GRM7: variants seen among roughly 807,000 people sequenced by gnomAD.
The protein encoded by GRM7 is glutamate metabotropic receptor 7, also known as metabotropic glutamate receptor 7.
Under a neutral mutation model 84.5 loss-of-function variants are expected in GRM7, and 35 were observed. The observed-to-expected ratio is 0.41, with a 90% CI of 0.32 to 0.55. GRM7 has a LOEUF of 0.55. Among genes scored for constraint, GRM7 ranks in the 20% least tolerant of loss-of-function variants. GRM7 has a pLI of 0.19. For missense variants in GRM7, 1,003 were observed against 1,194.6 expected (o/e 0.84, Z 2.36); for synonymous variants, 487 against 455.1 (o/e 1.07, Z -0.89).
At chr3:7,290,356 G>A (rs1699579654) in intron 2 of GRM7, among the ~76,000 whole-genome samples, 1 of 152,200 alleles carries the variant, frequency 6.6e-6, no homozygotes, top group African/African-American at 2.4e-5. Context: ...TTAAGGTTAA[G>A]TCAGCTAGCA....
chr3:7,004,551 C>G lies in GRM7; in HGVS notation c.520-141901C>G, dbSNP rs1695118937. 2.0e-5 allele frequency among the ~76,000 whole-genome samples: 3 copies of G among 152,052 alleles called. No individual in the cohort carries two copies. In the South Asian group the frequency reaches 6.2e-4, roughly 32 times the overall value. ...GAAAGGGTTACGTGAAATATCTGAT[C>G]AAGACTTTTTTAATGATGATCTTTT... On this transcript the variant is annotated intron_variant, in intron 1 of 9. Coordinates refer to ENST00000357716, the MANE Select transcript of GRM7 (RefSeq NM_000844.4).
At chr3:6,901,909 C>T (rs9862805) in intron 1 of GRM7, among the ~76,000 whole-genome samples, 40,718 of 151,800 alleles carry the variant, frequency 0.27, 5,726 homozygotes, top group Non-Finnish European at 0.3. Context: ...TTGTTGAACT[C>T]TCCTTGACTA....
intron 7 of GRM7, among the ~76,000 whole-genome samples, chr3:7,474,556 T>C (rs1698842836): frequency 6.6e-6 from 1 of 152,080 alleles, no homozygotes; most frequent in Non-Finnish European, 1.5e-5. Context: ...AGTCTCCCAT[T>C]CCTGGAAACA....
intron 4 of GRM7, among the ~76,000 whole-genome samples, chr3:7,342,570 AC>A (rs1164364382): frequency 2.6e-5 from 4 of 152,144 alleles, no homozygotes; most frequent in Non-Finnish European, 5.9e-5. Flanking sequence ...AAGTCTGTCT[AC>A]CCTGTACTAA....
chr3:7,150,947 T>C (rs1052462475), intron 2 of GRM7, among the ~76,000 whole-genome samples: 1 of 152,192 alleles, frequency 6.6e-6, no homozygotes, highest in Non-Finnish European at 1.5e-5. Context: ...TGAATACTGC[T>C]TGACAATATA....
intron 2 of GRM7, among the ~76,000 whole-genome samples, chr3:7,239,918 T>A (rs1418335294): frequency 1.3e-5 from 2 of 152,184 alleles, no homozygotes; most frequent in Non-Finnish European, 2.9e-5. Flanking sequence ...CTTTTGATCA[T>A]ATTTTTAATT....
At chr3:7,062,492 A>C (rs1199592326) in intron 1 of GRM7, among the ~76,000 whole-genome samples, 1 of 151,822 alleles carries the variant, frequency 6.6e-6, no homozygotes. Flanking sequence ...TAAAGGAACA[A>C]TAAATACAAA....
chr3:7,116,955 A>C (rs1693056099), intron 1 of GRM7, among the ~76,000 whole-genome samples: 1 of 152,178 alleles, frequency 6.6e-6, no homozygotes, highest in Non-Finnish European at 1.5e-5. Flanking sequence ...TTAGAGCTTA[A>C]AATCAAGTTA....
chr3:6,962,283 G>A (rs143908262), intron 1 of GRM7, among the ~76,000 whole-genome samples: 1 of 152,122 alleles, frequency 6.6e-6, no homozygotes, highest in Non-Finnish European at 1.5e-5. Flanking sequence ...ATTTTTTGTC[G>A]AATAAATGCA....
chr3:7,478,428 G>T (rs1699007108), intron 7 of GRM7, among the ~76,000 whole-genome samples: 1 of 152,130 alleles, frequency 6.6e-6, no homozygotes, highest in East Asian at 1.9e-4. Flanking sequence ...TTTCAGCTGA[G>T]AGACGACTGG....
At chr3:7,189,353 A>C (rs1164342783) in intron 2 of GRM7, among the ~76,000 whole-genome samples, 5 of 152,180 alleles carry the variant, frequency 3.3e-5, no homozygotes, top group African/African-American at 9.7e-5. Flanking sequence ...CAGTTGTGGC[A>C]CTGAACAAAG....
chr3:7,431,352 G>C (rs758612003), intron 5 of GRM7, among the ~76,000 whole-genome samples: 6 of 152,032 alleles, frequency 3.9e-5, no homozygotes, highest in African/African-American at 9.7e-5. Flanking sequence ...TGAAAGTCTT[G>C]AATAGACAAA....
Position 7,158,039 on chromosome 3 carries a change from G to C in GRM7, c.736+11371G>C, listed in dbSNP as rs555132012. ...GTGGGAGAGCATTGCAGAAAGAAAAGCTTTTAGCAAAACTAGCTTTATAGA... is the reference window on the plus strand; with the variant it reads ...GTGGGAGAGCATTGCAGAAAGAAAACCTTTTAGCAAAACTAGCTTTATAGA... On this transcript the variant is annotated intron_variant, in intron 2 of 9. Coordinates refer to ENST00000357716, the MANE Select transcript of GRM7 (RefSeq NM_000844.4). Among the ~76,000 whole-genome samples the C allele has an allele frequency of 8.5e-5, 13 of 152,216 alleles. No individual in the cohort carries two copies. The South Asian group carries it at 2.7e-3, about 32-fold the overall frequency.
At chr3:6,877,711 G>C (rs530312635) in intron 1 of GRM7, among the ~76,000 whole-genome samples, 2 of 151,848 alleles carry the variant, frequency 1.3e-5, no homozygotes, top group African/African-American at 4.8e-5. Flanking sequence ...AAGAAAATAG[G>C]CCACTGGATA....
intron 1 of GRM7, among the ~76,000 whole-genome samples, chr3:6,926,622 G>T (rs1575023064): frequency 3.3e-5 from 5 of 152,300 alleles, no homozygotes; most frequent in Admixed American, 3.3e-4. Context: ...TGAAAGGCAG[G>T]TGTCTCCTCT....
intron 8 of GRM7, among the ~76,000 whole-genome samples, chr3:7,653,952 CT>C: frequency 6.6e-6 from 1 of 152,160 alleles, no homozygotes; most frequent in African/African-American, 2.4e-5. Context: ...GCTGGCACCC[CT>C]GCTACTCCCT....
chr3:7,289,227 G>A (rs1699534980), intron 2 of GRM7, among the ~76,000 whole-genome samples: 1 of 152,084 alleles, frequency 6.6e-6, no homozygotes, highest in Admixed American at 6.6e-5. Context: ...TCTTGTTCAG[G>A]GAAAGGAACA....
In GRM7 at chr3:7,567,523, G is replaced by A. The variant is rs1278052317; in HGVS notation, c.1516-10899G>A. On this transcript the variant is annotated intron_variant, in intron 7 of 9. Transcript: ENST00000357716. Reference sequence around the variant, plus strand: ...AGCACTTTGAGAGGCCAAGGTGGGTGGATTGCATGAGGCCAGGAGTTTGAG... The same window carrying A: ...AGCACTTTGAGAGGCCAAGGTGGGTAGATTGCATGAGGCCAGGAGTTTGAG... 2.6e-5 allele frequency among the ~76,000 whole-genome samples: 4 copies of A among 152,018 alleles called. No homozygotes were observed. In the East Asian group the frequency reaches 7.7e-4, roughly 29 times the overall value.
At chr3:7,177,016 G>C (rs907636964) in intron 2 of GRM7, among the ~76,000 whole-genome samples, 7 of 152,152 alleles carry the variant, frequency 4.6e-5, no homozygotes, top group African/African-American at 1.4e-4. Context: ...GCCAGAGTAA[G>C]CTTGTCAGTC....
Sources: gnomAD v4.1 joint callset for allele counts (sites outside exome capture counted in the v4.1 genomes callset) on GRCh38, gnomAD v4.1.1 for gene constraint, MANE v1.5 for transcripts, NCBI Gene and HGNC (gene_info 2026-07-23, HGNC 2026-07-21) for gene names.